The following NLGN4X variants were observed in gnomAD, a reference collection of about 807,000 sequenced individuals.
The protein encoded by NLGN4X is neuroligin-4, X-linked.
NLGN4X carries 3 observed loss-of-function variants against 40.3 expected under a neutral mutation model. That is an observed-to-expected ratio of 0.07 (90% CI 0.03 to 0.19). The LOEUF is 0.19. NLGN4X is among the 10% of genes least tolerant of loss of function. The probability of loss-of-function intolerance (pLI) is 1.00; values close to 1 mark genes in which losing one functional copy is unlikely to be tolerated. For missense variants in NLGN4X, 382 were observed against 708.3 expected (o/e 0.54, Z 5.23); for synonymous variants, 270 against 306.8 (o/e 0.88, Z 1.25).
intron 3 of NLGN4X, among the ~76,000 whole-genome samples, chrX:6,020,278 G>GA (rs539107215): frequency 1.8e-5 from 2 of 112,009 alleles, no homozygotes; most frequent in South Asian, 7.4e-4. Context: ...CAAAAAAAAG[G>GA]AAAGAAGTTG....
In NLGN4X at chrX:5,985,731, G is replaced by C. The variant is rs72627601; in HGVS notation, c.625+43549C>G. ...TCTGCGGTTGAAAATCAAAGATTAT[G>C]AGACCCAAATAGACGCTATGTAGAA... On this transcript the variant is annotated intron_variant, in intron 3 of 5. Transcript: ENST00000381095. 5.4e-4 allele frequency among the ~76,000 whole-genome samples: 61 copies of C among 111,988 alleles called. No homozygotes were observed. The East Asian group carries it at 0.016, about 29-fold the overall frequency.
At chrX:6,083,843 C>T (rs1442536403) in intron 2 of NLGN4X, among the ~76,000 whole-genome samples, 1 of 111,961 alleles carries the variant, frequency 8.9e-6, no homozygotes, top group African/African-American at 3.3e-5. Flanking sequence ...GTCTATGTGA[C>T]ACTCAACTAG....
chrX:5,988,358 C>T (rs756822568), intron 3 of NLGN4X, among the ~76,000 whole-genome samples: 1 of 112,127 alleles, frequency 8.9e-6, no homozygotes, highest in Non-Finnish European at 1.9e-5. Flanking sequence ...AGTGTCTACA[C>T]CAATTGCTAC....
At chrX:6,219,558 TTCTTTCTTTC>T (rs1303119018) in intron 1 of NLGN4X, among the ~76,000 whole-genome samples, 2 of 33,866 alleles carry the variant, frequency 5.9e-5, no homozygotes, top group African/African-American at 3.0e-4. Context: ...CTTTCTTTCT[TTCTTTCTTTC>T]TTTCTTCCTT....
chrX:5,951,205 C>T (rs1332630164), intron 3 of NLGN4X, among the ~76,000 whole-genome samples: 1 of 111,838 alleles, frequency 8.9e-6, no homozygotes, highest in African/African-American at 3.3e-5. Flanking sequence ...TTATTTATGG[C>T]TCCATAAAAT....
chrX:6,080,584 A>T (rs181280296), intron 2 of NLGN4X, among the ~76,000 whole-genome samples: 121 of 111,541 alleles, frequency 1.1e-3, no homozygotes, highest in Non-Finnish European at 1.9e-3. Context: ...TCACTACCTA[A>T]TAAGAGCACC....
At chrX:5,943,330 C>T (rs1382919920) in intron 3 of NLGN4X, among the ~76,000 whole-genome samples, 1 of 111,710 alleles carries the variant, frequency 9.0e-6, no homozygotes, top group African/African-American at 3.3e-5. Flanking sequence ...GAAGTGGATG[C>T]ATCCCTGGAG....
intron 2 of NLGN4X, among the ~76,000 whole-genome samples, chrX:6,121,194 A>G: frequency 9.1e-6 from 1 of 110,457 alleles, no homozygotes; most frequent in Non-Finnish European, 1.9e-5. Context: ...ATATCGCCTC[A>G]ATGGCAGAAG....
At position 5,941,210 on chromosome X, in the gene NLGN4X, T is replaced by TGTGC. The variant is rs1480517842; in HGVS notation, c.626-31972_626-31971insGCAC. ...GTGTGTGTGTGTGTGTGTGTGTGTGTGTGTGTGTGTGTGTGTGTGTGTTGA... is the reference window on the plus strand; with the variant it reads ...GTGTGTGTGTGTGTGTGTGTGTGTGTGTGCGTGTGTGTGTGTGTGTGTGTGTTGA... On this transcript the variant is annotated intron_variant, in intron 3 of 5. Transcript: ENST00000381095. Among the ~76,000 whole-genome samples the TGTGC allele has an allele frequency of 1.3e-3, 130 of 97,543 alleles. 1 individual carries two copies. The highest frequency in any genetic ancestry group is 5.1e-3 in the Middle Eastern group (1 of 196). The allele number at this position is 97,543 out of a possible 115,157, so 84.7% of individuals were successfully genotyped here.
In NLGN4X at chrX:6,228,787, A is replaced by G. The variant is rs904059009; in HGVS notation, c.-552T>C. The G allele has an allele frequency of 4.5e-5, 5 of 111,928 alleles. No homozygotes were observed. Among genetic ancestry groups the G allele is most frequent in the Non-Finnish European group, 7.5e-5 (4 of 53,215 alleles). The allele number at this position is 111,928 out of a possible 1,213,427, so 9.2% of individuals were successfully genotyped here. A position where few individuals can be genotyped will look rare whatever the true frequency, so the allele number is the denominator to read the frequency against. The stretch of plus-strand genomic sequence containing the variant: ...TGTGGACGGGCAGAACAAGCATTAC[A>G]ATTGAAGCAGGAAGGGCCAAGCTAG... On this transcript the variant is annotated 5_prime_UTR_variant, in exon 1 of 6. Coordinates refer to ENST00000381095, the MANE Select transcript of NLGN4X (RefSeq NM_181332.3).
chrX:6,130,559 T>C (rs2039658741), intron 2 of NLGN4X, among the ~76,000 whole-genome samples: 1 of 112,831 alleles, frequency 8.9e-6, no homozygotes, highest in Admixed American at 9.4e-5. Flanking sequence ...TCTATAAAAC[T>C]GGCAACAATG....
intron 3 of NLGN4X, among the ~76,000 whole-genome samples, chrX:5,996,531 G>A (rs2035823060): frequency 9.0e-6 from 1 of 111,580 alleles, no homozygotes; most frequent in Non-Finnish European, 1.9e-5. Flanking sequence ...CCCATTTACC[G>A]GTGCAGTTTC....
At chrX:6,079,554 C>A (rs1428920767) in intron 2 of NLGN4X, among the ~76,000 whole-genome samples, 8 of 111,872 alleles carry the variant, frequency 7.2e-5, no homozygotes, top group African/African-American at 2.6e-4. Context: ...TTTACTTTTT[C>A]CCACATGGGT....
intron 3 of NLGN4X, among the ~76,000 whole-genome samples, chrX:6,021,065 C>T (rs373204557): frequency 1.0e-3 from 20 of 19,753 alleles, no homozygotes; most frequent in East Asian, 2.6e-3. Flanking sequence ...TCCCTCCCTC[C>T]CTCCCTCCCT....
chrX:6,027,278 A>G (rs1282454417), intron 3 of NLGN4X, among the ~76,000 whole-genome samples: 3 of 112,387 alleles, frequency 2.7e-5, no homozygotes, highest in Non-Finnish European at 5.6e-5. Flanking sequence ...AGCCAAAGCA[A>G]CTATCCAGCG....
chrX:6,119,591 G>A (rs188002862), intron 2 of NLGN4X, among the ~76,000 whole-genome samples: 77 of 111,120 alleles, frequency 6.9e-4, no homozygotes, highest in African/African-American at 2.3e-3. Flanking sequence ...AATAGGGAGC[G>A]GTGGGGAGTG....
chrX:5,913,774 A>T (rs2032632566), intron 3 of NLGN4X, among the ~76,000 whole-genome samples: 1 of 111,841 alleles, frequency 8.9e-6, no homozygotes, highest in African/African-American at 3.3e-5. Context: ...CCCAAATCTC[A>T]TCTTGAACTG....
rs368593612 is a variant in NLGN4X, at chrX:5,903,103, G to A, written c.1575C>T (p.Thr525=). 6.6e-6 allele frequency: 8 copies of A among 1,210,554 alleles called. No homozygotes were observed. The African/African-American group carries it at 1.0e-4, about 16-fold the overall frequency. The change falls in exon 5 of 6, where the codon ACC becomes ACT. Residue 525 remains threonine (T), a synonymous_variant. Coordinates refer to ENST00000381095, the MANE Select transcript of NLGN4X (RefSeq NM_181332.3). ...NDVMLSAVVM[T]YWTNFAKTGD... Reference sequence around the variant, plus strand: ...CAGTTTTGGCGAAGTTCGTCCAGTAGGTCATGACCACGGCGCTGAGCATGA... The same window carrying A: ...CAGTTTTGGCGAAGTTCGTCCAGTAAGTCATGACCACGGCGCTGAGCATGA...
At chrX:5,991,265 C>A in intron 3 of NLGN4X, 1 of 263,155 alleles carries the variant, frequency 3.8e-6, no homozygotes, top group Non-Finnish European at 6.8e-6. Flanking sequence ...TTTTTTCCCC[C>A]AAAGGAACAA....
Sources: allele counts gnomAD v4.1 joint callset (sites outside exome capture counted in the v4.1 genomes callset), GRCh38; gene constraint gnomAD v4.1.1; transcripts MANE v1.5; gene names NCBI Gene and HGNC (gene_info 2026-07-23, HGNC 2026-07-21).